The following SLC41A2 variants were observed in gnomAD, a reference collection of about 807,000 sequenced individuals.
SLC41A2 encodes the protein SLC41A1-like 1.
Under a neutral mutation model 58.3 loss-of-function variants are expected in SLC41A2, and 32 were observed. That is an observed-to-expected ratio of 0.55 (90% CI 0.41 to 0.74). The LOEUF is 0.74. SLC41A2 is among the 30% of genes least tolerant of loss of function. The pLI is 0.00. For synonymous variants in SLC41A2, 190 were observed against 235.0 expected (o/e 0.81, Z 1.75); for missense variants, 514 against 680.6 (o/e 0.76, Z 2.72).
intron 10 of SLC41A2, among the ~76,000 whole-genome samples, chr12:104,835,094 G>T (rs1769809035): frequency 1.3e-5 from 2 of 152,148 alleles, no homozygotes; most frequent in Non-Finnish European, 2.9e-5. Context: ...AGACAATAAT[G>T]ATGAAAATAA....
chr12:104,812,846 G>A (rs1270887911), intron 10 of SLC41A2, among the ~76,000 whole-genome samples: 1 of 151,378 alleles, frequency 6.6e-6, no homozygotes, highest in Non-Finnish European at 1.5e-5. Context: ...GTATGTGATA[G>A]CTATTGATGG....
chr12:104,869,404 G>C (rs1440450773), intron 6 of SLC41A2, among the ~76,000 whole-genome samples: 1 of 152,184 alleles, frequency 6.6e-6, no homozygotes, highest in African/African-American at 2.4e-5. Context: ...CATAGACAAA[G>C]AGAGAGAACA....
intron 2 of SLC41A2, among the ~76,000 whole-genome samples, chr12:104,923,769 A>G (rs1045738748): frequency 6.6e-5 from 10 of 152,194 alleles, no homozygotes; most frequent in Admixed American, 5.9e-4. Context: ...GAAGAAATAG[A>G]AAACCTCAAG....
chr12:104,942,725 T>C (rs1043091869), intron 1 of SLC41A2, among the ~76,000 whole-genome samples: 23 of 152,248 alleles, frequency 1.5e-4, no homozygotes, highest in Non-Finnish European at 2.6e-4. Flanking sequence ...AATTTTATAA[T>C]TGATTTACTC....
intron 3 of SLC41A2, among the ~76,000 whole-genome samples, chr12:104,899,395 T>C (rs2045452140): frequency 6.6e-6 from 1 of 151,728 alleles, no homozygotes; most frequent in African/African-American, 2.4e-5. Context: ...GTAGATAACA[T>C]GTTGTAGTGA....
In SLC41A2 at chr12:104,804,345, C is replaced by T. The variant is rs879480301; in HGVS notation, c.*807G>A. ...AGTTCTTCATCAAAAGTCTCTCTCT[C>T]TCACACACACACACACACACATTCT... On this transcript the variant is annotated 3_prime_UTR_variant, in exon 11 of 11. Transcript: ENST00000258538. 1.1e-4 allele frequency: 11 copies of T among 98,608 alleles called. No individual in the cohort carries two copies. The highest frequency in any genetic ancestry group is 2.0e-4 in the Non-Finnish European group (9 of 45,478). 6.1% of individuals were successfully genotyped at this position (98,608 alleles called of 1,614,324 possible).
chr12:104,906,009 G>A (rs2045832393), intron 3 of SLC41A2, among the ~76,000 whole-genome samples: 1 of 152,242 alleles, frequency 6.6e-6, no homozygotes, highest in South Asian at 2.1e-4. Flanking sequence ...ACCAAAGTGG[G>A]AGCCCAGGCA....
Position 104,910,531 on chromosome 12 carries a change from T to A in SLC41A2, c.556-769A>T, listed in dbSNP as rs539301337. ...ATAAACTTCTAATGTCCCCAACCAA[T>A]GGAATAGACCCCCTTCTCAGCCAAG... On this transcript the variant is annotated intron_variant, in intron 2 of 10. Transcript: ENST00000258538. Among the ~76,000 whole-genome samples, 6 of 152,236 alleles carry A rather than the reference T, an allele frequency of 3.9e-5. No homozygotes were observed. In the South Asian group the frequency reaches 1.2e-3, roughly 32 times the overall value.
chr12:104,949,213 C>T (rs767042252), intron 1 of SLC41A2, among the ~76,000 whole-genome samples: 10 of 152,056 alleles, frequency 6.6e-5, no homozygotes, highest in Non-Finnish European at 1.2e-4. Context: ...AGCGAAACTC[C>T]GTCTCAAATA....
At chr12:104,839,482 T>C (rs914684519) in intron 10 of SLC41A2, among the ~76,000 whole-genome samples, 3 of 151,708 alleles carry the variant, frequency 2.0e-5, no homozygotes, top group Admixed American at 6.6e-5. Context: ...AGTCTTTTTT[T>C]CTCCTCTTTC....
rs77030943 is a variant in SLC41A2 at position 104,912,772 on chromosome 12, C to T, written c.556-3010G>A. Among the ~76,000 whole-genome samples, 1,068 of 152,226 alleles carry T rather than the reference C, an allele frequency of 7.0e-3. 7 individuals carry two copies. The highest frequency in any genetic ancestry group is 0.012 in the Non-Finnish European group (813 of 68,008). Reference sequence around the variant, plus strand: ...CAGGACTTGCATCTGGTATCTCAAGCGGAGGACAGTCTTTTGGACTGAGCC... The same window carrying T: ...CAGGACTTGCATCTGGTATCTCAAGTGGAGGACAGTCTTTTGGACTGAGCC... On this transcript the variant is annotated intron_variant, in intron 2 of 10. Transcript: ENST00000258538.
intron 2 of SLC41A2, among the ~76,000 whole-genome samples, chr12:104,916,185 A>C (rs2046311198): frequency 6.6e-6 from 1 of 152,168 alleles, no homozygotes; most frequent in African/African-American, 2.4e-5. Context: ...TATTTTATTG[A>C]GGATTTTTGC....
chr12:104,811,392 A>G (rs1239844816), intron 10 of SLC41A2, among the ~76,000 whole-genome samples: 1 of 152,226 alleles, frequency 6.6e-6, no homozygotes, highest in Non-Finnish European at 1.5e-5. Context: ...AAAGCACAAG[A>G]CTATGCATAT....
chr12:104,912,654 A>G (rs914477836), intron 2 of SLC41A2, among the ~76,000 whole-genome samples: 2 of 152,192 alleles, frequency 1.3e-5, no homozygotes, highest in Non-Finnish European at 2.9e-5. Flanking sequence ...TGTTTGCCTG[A>G]GTTCTGTGAG....
chr12:104,920,706 CA>C (rs1171675592), intron 2 of SLC41A2, among the ~76,000 whole-genome samples: 2 of 151,938 alleles, frequency 1.3e-5, no homozygotes, highest in African/African-American at 4.8e-5. Flanking sequence ...AGGCGGATCA[CA>C]AGGTCAGGAG....
At chr12:104,902,007 G>A (rs1188629635) in intron 3 of SLC41A2, among the ~76,000 whole-genome samples, 2 of 151,976 alleles carry the variant, frequency 1.3e-5, no homozygotes, top group Admixed American at 6.6e-5. Context: ...CCCTTGAGTG[G>A]AGCAAAAAGA....
At chr12:104,840,862 A>G (rs1005653578) in intron 10 of SLC41A2, among the ~76,000 whole-genome samples, 15 of 152,210 alleles carry the variant, frequency 9.9e-5, no homozygotes, top group African/African-American at 3.6e-4. Flanking sequence ...AGCCATTCCA[A>G]TGCCAAAGAA....
At chr12:104,875,154 C>T (rs2043985326) in intron 6 of SLC41A2, among the ~76,000 whole-genome samples, 1 of 152,144 alleles carries the variant, frequency 6.6e-6, no homozygotes, top group African/African-American at 2.4e-5. Flanking sequence ...TGGGATGAAT[C>T]CCACTTGGTC....
intron 6 of SLC41A2, among the ~76,000 whole-genome samples, chr12:104,877,457 A>G (rs1270373339): frequency 6.6e-6 from 1 of 152,216 alleles, no homozygotes; most frequent in Non-Finnish European, 1.5e-5. Flanking sequence ...TAGTTAATTC[A>G]TCTTGAATTA....
Sources: allele counts gnomAD v4.1 joint callset (sites outside exome capture counted in the v4.1 genomes callset), GRCh38; gene constraint gnomAD v4.1.1; transcripts MANE v1.5; gene names NCBI Gene and HGNC (gene_info 2026-07-23, HGNC 2026-07-21).